Variants in DYTN observed in about 807,000 individuals in gnomAD.
DYTN encodes the protein dystrotelin.
DYTN carries 75 observed loss-of-function variants against 69.6 expected under a neutral mutation model. That is an observed-to-expected ratio of 1.08 (90% CI 0.89 to 1.31). DYTN has a LOEUF of 1.31. Among genes scored for constraint, DYTN ranks in the 50% most tolerant of loss-of-function variants. The pLI, the probability that DYTN is intolerant of heterozygous loss-of-function variation, is 0.00. For synonymous variants in DYTN, 252 were observed against 249.1 expected (o/e 1.01, Z -0.11); for missense variants, 726 against 688.4 (o/e 1.05, Z -0.61).
In DYTN at chr2:206,663,142, G is replaced by A. The variant is rs1699531279; in HGVS notation, c.1394C>T (p.Ala465Val). 1.2e-6 allele frequency: 2 copies of A among 1,613,916 alleles called. No homozygotes were observed. The highest frequency in any genetic ancestry group is 2.2e-5 in the East Asian group (1 of 44,868). ...TGGCATCTTTTGTGTTTGGCTTTGT[G>A]CCCTGGTGCTGTGCAAAGTGGTCTC... ...SPETTLHSTR[A>V]QSQTQKMPQK... Residue 465 changes from alanine (A) to valine (V), a missense_variant, in exon 11 of 12, where the codon GCA (alanine) becomes GTA (valine). Ala to Val is a moderately conservative substitution (Grantham distance 64). Transcript: ENST00000452335.
chr2:206,673,353 G>T (rs1226376603), intron 9 of DYTN, among the ~76,000 whole-genome samples: 1 of 152,104 alleles, frequency 6.6e-6, no homozygotes, highest in Non-Finnish European at 1.5e-5. Flanking sequence ...CTCCTTCTGG[G>T]TTCAAGCGAT....
intron 11 of DYTN, among the ~76,000 whole-genome samples, chr2:206,653,865 C>G (rs1212654055): frequency 1.3e-5 from 2 of 152,166 alleles, no homozygotes; most frequent in African/African-American, 4.8e-5. Flanking sequence ...AAGTGCATCA[C>G]CATCCATACA....
At chr2:206,668,915 C>T (rs1699603005) in intron 9 of DYTN, among the ~76,000 whole-genome samples, 1 of 152,160 alleles carries the variant, frequency 6.6e-6, no homozygotes, top group South Asian at 2.1e-4. Flanking sequence ...CATCCTGCCA[C>T]CCTGTGAAGA....
chr2:206,670,305 A>T (rs1405023593), intron 9 of DYTN, among the ~76,000 whole-genome samples: 1 of 152,220 alleles, frequency 6.6e-6, no homozygotes, highest in African/African-American at 2.4e-5. Flanking sequence ...ATGCTTAACT[A>T]CTCAAATACA....
At chr2:206,652,978 A>T (rs1396375989) in intron 11 of DYTN, among the ~76,000 whole-genome samples, 1 of 152,212 alleles carries the variant, frequency 6.6e-6, no homozygotes, top group African/African-American at 2.4e-5. Context: ...AAACATGGGG[A>T]GATTTATTAT....
chr2:206,706,665 A>G (rs1181182685), intron 3 of DYTN, among the ~76,000 whole-genome samples: 1 of 152,098 alleles, frequency 6.6e-6, no homozygotes. Flanking sequence ...TGAAAAGTTT[A>G]TTCTAAAGGA....
chr2:206,714,005 T>A (rs1250852768), intron 1 of DYTN, among the ~76,000 whole-genome samples: 3 of 152,230 alleles, frequency 2.0e-5, no homozygotes, highest in Non-Finnish European at 4.4e-5. Context: ...AACAAGGAAC[T>A]GCTTGGTGTA....
chr2:206,705,769 G>A lies in DYTN; in HGVS notation c.382+19C>T, dbSNP rs779210284. 3.5e-5 allele frequency: 56 copies of A among 1,611,104 alleles called. No individual in the cohort carries two copies. Among genetic ancestry groups the A allele is most frequent in the Middle Eastern group, 3.4e-4 (2 of 5,866 alleles). On this transcript the variant is annotated intron_variant, in intron 4 of 11. Transcript: ENST00000452335. ...GGGCTCACTGCACTTTAGGACACCC[G>A]CAGTCCTCTGCATGTTACCTCGGTA...
chr2:206,713,872 T>A (rs1700102499), intron 1 of DYTN, among the ~76,000 whole-genome samples: 1 of 152,230 alleles, frequency 6.6e-6, no homozygotes. Context: ...TACTTTCAAA[T>A]GTAATGTCAG....
chr2:206,677,984 C>T (rs964439785), intron 9 of DYTN, among the ~76,000 whole-genome samples: 4 of 149,082 alleles, frequency 2.7e-5, no homozygotes, highest in Admixed American at 1.3e-4. Context: ...AGCAAGACTC[C>T]ATCTCAAAAA....
chr2:206,709,375 G>A (rs1376003134), intron 2 of DYTN, among the ~76,000 whole-genome samples: 2 of 152,074 alleles, frequency 1.3e-5, no homozygotes, highest in Admixed American at 1.3e-4. Context: ...CTTCAGCCTG[G>A]GAGGCAGAGG....
chr2:206,706,464 T>A (rs543981223), intron 3 of DYTN, among the ~76,000 whole-genome samples: 2 of 150,240 alleles, frequency 1.3e-5, no homozygotes, highest in South Asian at 4.2e-4. Context: ...TGAGAATGTA[T>A]GTATATATTG....
chr2:206,696,700 G>A (rs1316205941), intron 7 of DYTN, among the ~76,000 whole-genome samples: 1 of 152,178 alleles, frequency 6.6e-6, no homozygotes, highest in Admixed American at 6.5e-5. Flanking sequence ...GTTACTATCT[G>A]AACTGATGGC....
intron 11 of DYTN, among the ~76,000 whole-genome samples, chr2:206,652,383 CTGATTAA>C (rs1699397291): frequency 6.6e-6 from 1 of 152,120 alleles, no homozygotes; most frequent in African/African-American, 2.4e-5. Flanking sequence ...CTATAGTTAC[CTGATTAA>C]TGGTTTGAGT....
intron 9 of DYTN, among the ~76,000 whole-genome samples, chr2:206,668,357 G>A (rs1037657167): frequency 1.3e-5 from 2 of 152,136 alleles, no homozygotes; most frequent in Non-Finnish European, 2.9e-5. Flanking sequence ...CAGAAATCCA[G>A]TTCTTTTCTT....
chr2:206,659,485 A>AAAG (rs1491187611), intron 11 of DYTN, among the ~76,000 whole-genome samples: 1 of 30,406 alleles, frequency 3.3e-5, no homozygotes, highest in Non-Finnish European at 6.5e-5. Context: ...AACAATTCTC[A>AAAG]AAAAAAAAAA....
chr2:206,687,546 A>G (rs1404655479), intron 9 of DYTN, among the ~76,000 whole-genome samples: 1 of 152,192 alleles, frequency 6.6e-6, no homozygotes, highest in Non-Finnish European at 1.5e-5. Context: ...TTAAAATTAC[A>G]TGCTATCATA....
At chr2:206,696,652 C>T (rs1238137863) in intron 7 of DYTN, among the ~76,000 whole-genome samples, 2 of 152,148 alleles carry the variant, frequency 1.3e-5, no homozygotes, top group Non-Finnish European at 2.9e-5. Context: ...CAAAGTTACA[C>T]AACTACTTAG....
In DYTN at chr2:206,693,183, C is replaced by T. The variant is rs150696195; in HGVS notation, c.972G>A (p.Ala324=). Residue 324 remains alanine (A), a synonymous_variant, in exon 9 of 12, where the codon GCG becomes GCA. Transcript: ENST00000452335. ...QVNPKGVPHH[A]QARLLKKQLN... The stretch of plus-strand genomic sequence containing the variant: ...TCCTCGCAGCCACTCACCTGGCCTG[C>T]GCATGGTGAGGCACACCCTTTGGAT... The T allele has an allele frequency of 8.1e-5, 131 of 1,610,000 alleles. No homozygotes were observed. In the East Asian group the frequency reaches 1.2e-3, roughly 15 times the overall value.
Sources: gnomAD v4.1 joint callset for allele counts (sites outside exome capture counted in the v4.1 genomes callset) on GRCh38, gnomAD v4.1.1 for gene constraint, MANE v1.5 for transcripts, NCBI Gene and HGNC (gene_info 2026-07-23, HGNC 2026-07-21) for gene names.